Variants in PDE6A observed in about 807,000 individuals in gnomAD.
PDE6A encodes rod cGMP-specific 3',5'-cyclic phosphodiesterase subunit alpha.
PDE6A carries 84 observed loss-of-function variants against 106.3 expected under a neutral mutation model. The ratio of observed to expected loss-of-function variants is 0.79; its 90% CI spans 0.66 to 0.95. PDE6A has a LOEUF of 0.95. Among genes scored for constraint, PDE6A ranks in the 40% least tolerant of loss-of-function variants. The probability of loss-of-function intolerance (pLI) is 0.00; values close to 1 mark genes in which losing one functional copy is unlikely to be tolerated. For synonymous variants in PDE6A, 394 were observed against 386.6 expected (o/e 1.02, Z -0.23); for missense variants, 1,052 against 1,084.9 (o/e 0.97, Z 0.43).
At chr5:149,917,352 C>G (rs1276109893) in intron 5 of PDE6A, among the ~76,000 whole-genome samples, 1 of 152,090 alleles carries the variant, frequency 6.6e-6, no homozygotes, top group African/African-American at 2.4e-5. Context: ...AAGTACCTCC[C>G]TAGAGATTTC....
Position 149,899,493 on chromosome 5 carries a change from A to G in PDE6A, c.1145T>C (p.Ile382Thr). 12 of 1,614,198 alleles carry G rather than the reference A, an allele frequency of 7.4e-6. No homozygotes were observed. The highest frequency in any genetic ancestry group is 1.0e-5 in the Non-Finnish European group (12 of 1,180,014). ...AATCGGCATTGAAAGCACATTTTTA[A>G]TCATCCATCCAGACTCATCCAGAGG... Reference protein sequence around the residue: ...KEPLDESGWMIKNVLSMPIVN... With the variant: ...KEPLDESGWMTKNVLSMPIVN... The change falls in exon 9 of 22, where the codon ATT becomes ACT. Residue 382 changes from isoleucine to threonine, a missense_variant. By Grantham distance (89) the Ile-to-Thr change is moderately conservative. This residue lies in a region of PDE6A where 913 missense variants were observed against 915.2 expected (regional missense o/e 1.00). Transcript: ENST00000255266.
chr5:149,887,716 T>A (rs1034185308), intron 13 of PDE6A, among the ~76,000 whole-genome samples: 1 of 151,718 alleles, frequency 6.6e-6, no homozygotes, highest in Admixed American at 6.6e-5. Flanking sequence ...TCCTATCATA[T>A]CTTGCTGGGC....
intron 12 of PDE6A, among the ~76,000 whole-genome samples, chr5:149,895,730 T>C (rs778941266): frequency 2.6e-5 from 4 of 152,116 alleles, no homozygotes; most frequent in Non-Finnish European, 5.9e-5. Context: ...AAACAGTTTC[T>C]GATTTATCAG....
chr5:149,899,602 A>G (rs1246448047), intron 8 of PDE6A, 78 bp from the exon 9 acceptor site: 2 of 1,413,302 alleles, frequency 1.4e-6, no homozygotes, highest in Non-Finnish European at 2.0e-6. Flanking sequence ...ACCCTACATC[A>G]TGACCCTGAT....
chr5:149,885,219 C>A (rs1752246019), intron 14 of PDE6A, among the ~76,000 whole-genome samples: 1 of 152,202 alleles, frequency 6.6e-6, no homozygotes, highest in South Asian at 2.1e-4. Flanking sequence ...TTGCTATGTG[C>A]CACACACTGT....
At chr5:149,913,159 A>C (rs1262839011) in intron 6 of PDE6A, among the ~76,000 whole-genome samples, 3 of 152,210 alleles carry the variant, frequency 2.0e-5, no homozygotes, top group Non-Finnish European at 2.9e-5. Flanking sequence ...AGGTAGGTGA[A>C]TCACTTGAGG....
intron 10 of PDE6A, among the ~76,000 whole-genome samples, 169 bp downstream of exon 10, chr5:149,898,194 T>C (rs939257721): frequency 6.6e-6 from 1 of 152,172 alleles, no homozygotes; most frequent in African/African-American, 2.4e-5. Context: ...ATTCATTCAT[T>C]AAATGTTGAG....
chr5:149,920,942 A>AAAAGAAAGAAAGAAAGAAG (rs1753688720), intron 5 of PDE6A, among the ~76,000 whole-genome samples: 2 of 108,282 alleles, frequency 1.8e-5, no homozygotes, highest in Non-Finnish European at 1.8e-5. Flanking sequence ...GAAAGAGAGA[A>AAAAGAAAGAAAGAAAGAAG]AAAGAAAGAA....
chr5:149,870,953 GAA>G, intron 17 of PDE6A, among the ~76,000 whole-genome samples: 1 of 151,438 alleles, frequency 6.6e-6, no homozygotes, highest in East Asian at 1.9e-4. Context: ...GAAGAGAAAA[GAA>G]AAGAAAAGAA....
intron 17 of PDE6A, among the ~76,000 whole-genome samples, chr5:149,881,756 A>G (rs1760932344): frequency 6.6e-6 from 1 of 152,154 alleles, no homozygotes; most frequent in Non-Finnish European, 1.5e-5. Context: ...AGTTGAAATT[A>G]TAAATAAATA....
At chr5:149,874,120 G>C (rs894283756) in intron 17 of PDE6A, among the ~76,000 whole-genome samples, 1 of 152,194 alleles carries the variant, frequency 6.6e-6, no homozygotes, top group African/African-American at 2.4e-5. Flanking sequence ...GGAAGGGAGT[G>C]TTGGGTTTTT....
Position 149,867,811 on chromosome 5 carries a change from A to C in PDE6A, c.2200-12T>G. 1 of 1,611,560 alleles carries C rather than the reference A, an allele frequency of 6.2e-7. No individual in the cohort carries two copies. On this transcript the variant is annotated splice_polypyrimidine_tract_variant and intron_variant, in intron 18 of 21. Coordinates refer to ENST00000255266, the MANE Select transcript of PDE6A (RefSeq NM_000440.3). Reference sequence around the variant, plus strand: ...ACCAGCAGAGCTACCTGCAACAGACAGACCCTCACACACGCAGAGTCAGAG... The same window carrying C: ...ACCAGCAGAGCTACCTGCAACAGACCGACCCTCACACACGCAGAGTCAGAG...
intron 3 of PDE6A, chr5:149,932,131 G>A: frequency 8.0e-7 from 1 of 1,248,274 alleles, no homozygotes; most frequent in Admixed American, 1.7e-5. Context: ...CGTCTATTTA[G>A]TTTGATTATC....
Position 149,858,610 on chromosome 5 carries a change from AC to A in PDE6A, c.*2284del, listed in dbSNP as rs1760015432. ...GGCAACAGAATGAGACCCCATGTCT[AC>A]AAAGATAGGTTTTAAAAAATTAGCT... is the stretch of plus-strand genomic sequence containing the variant. On this transcript the variant is annotated 3_prime_UTR_variant, in exon 22 of 22. Coordinates refer to ENST00000255266, the MANE Select transcript of PDE6A (RefSeq NM_000440.3). The A allele has an allele frequency of 6.6e-6, 1 of 152,164 alleles. No homozygotes were observed. Among genetic ancestry groups the A allele is most frequent in the South Asian group, 2.1e-4 (1 of 4,824 alleles). The allele number at this position is 152,164 out of a possible 1,614,324, so 9.4% of individuals were successfully genotyped here.
At chr5:149,934,919 G>A (rs1754140724) in intron 1 of PDE6A, among the ~76,000 whole-genome samples, 1 of 152,152 alleles carries the variant, frequency 6.6e-6, no homozygotes, top group Non-Finnish European at 1.5e-5. Flanking sequence ...ATCCACTGAG[G>A]GCTGTGGAGG....
chr5:149,895,195 G>C lies in PDE6A; in HGVS notation c.1716C>G (p.Phe572Leu). The C allele has an allele frequency of 6.2e-7, 1 of 1,612,608 alleles. No individual in the cohort carries two copies. Among genetic ancestry groups the C allele is most frequent in the South Asian group, 1.1e-5 (1 of 91,038 alleles). The change falls in exon 13 of 22, where the codon TTC becomes TTG. Residue 572 changes from phenylalanine to leucine, a missense_variant. This residue lies in a region of PDE6A where 913 missense variants were observed against 915.2 expected (regional missense o/e 1.00). Coordinates refer to ENST00000255266, the MANE Select transcript of PDE6A (RefSeq NM_000440.3). ...GGCCCCGCCATACCACCAGCAGGGAGAACATGGTCTGCCCCACGTTGAAGC... is the reference window on the plus strand; with the variant it reads ...GGCCCCGCCATACCACCAGCAGGGACAACATGGTCTGCCCCACGTTGAAGC... ...RHGFNVGQTM[F>L]SLLVTGKLKR...
intron 4 of PDE6A, among the ~76,000 whole-genome samples, chr5:149,930,112 G>T (rs910801486): frequency 1.3e-5 from 2 of 152,168 alleles, no homozygotes; most frequent in Non-Finnish European, 2.9e-5. Flanking sequence ...TGCTGACATG[G>T]AAAGATGTTT....
At chr5:149,934,769 G>C in intron 1 of PDE6A, 51 bp from the exon 2 acceptor site, 1 of 1,593,422 alleles carries the variant, frequency 6.3e-7, no homozygotes, top group South Asian at 1.1e-5. Context: ...AGCAAGAACA[G>C]TGGAACGGCC....
At chr5:149,899,240 GA>G in intron 9 of PDE6A, 134 bp downstream of exon 9, 1 of 816,754 alleles carries the variant, frequency 1.2e-6, no homozygotes, top group East Asian at 2.5e-5. Context: ...TGAGAGTGAA[GA>G]AAGTGGTTGA....
Sources: allele counts gnomAD v4.1 joint callset (sites outside exome capture counted in the v4.1 genomes callset), GRCh38; gene constraint gnomAD v4.1.1; regional missense constraint gnomAD v4.1.1; transcripts MANE v1.5; gene names NCBI Gene and HGNC (gene_info 2026-07-23, HGNC 2026-07-21).